Variants in AK7 observed in about 807,000 individuals in gnomAD.
AK7 encodes the protein ATP-AMP transphosphorylase 7.
In AK7, 78 loss-of-function variants were observed where a neutral mutation model predicts 96.6. That is an observed-to-expected ratio of 0.81 (90% CI 0.67 to 0.97). The LOEUF (loss-of-function observed/expected upper bound fraction) is 0.97. Ranked by LOEUF, AK7 falls within the 50% of genes least tolerant of loss-of-function variation. The pLI, the probability that AK7 is intolerant of heterozygous loss-of-function variation, is 0.00. For missense variants in AK7, 855 were observed against 887.9 expected (o/e 0.96, Z 0.47); for synonymous variants, 302 against 317.2 (o/e 0.95, Z 0.51).
chr14:96,415,732 A>C (rs1891293123), intron 4 of AK7, among the ~76,000 whole-genome samples: 1 of 150,026 alleles, frequency 6.7e-6, no homozygotes, highest in Non-Finnish European at 1.5e-5. Flanking sequence ...AATAAATTTT[A>C]ATACATTAAT....
In AK7 at chr14:96,392,266, G is replaced by C; in HGVS notation, c.105+7G>C. The C allele has an allele frequency of 6.2e-7, 1 of 1,601,546 alleles. No homozygotes were observed. ...CAGCGGAAACATCGGGAAGGTGAGC[G>C]GCGGCGGCGGCCCAGAGCCTCACGC... On this transcript the variant is annotated splice_region_variant and intron_variant, in intron 1 of 17. Transcript: ENST00000267584.
intron 5 of AK7, among the ~76,000 whole-genome samples, chr14:96,428,778 T>A (rs1892177119): frequency 6.6e-6 from 1 of 152,236 alleles, no homozygotes; most frequent in African/African-American, 2.4e-5. Flanking sequence ...AAAGTGTCTG[T>A]TCATATCCTT....
intron 12 of AK7, among the ~76,000 whole-genome samples, chr14:96,461,098 T>C (rs1409543476): frequency 6.6e-6 from 1 of 152,190 alleles, no homozygotes; most frequent in Admixed American, 6.5e-5. Context: ...CCCAGATGAA[T>C]GCTTGGGGAT....
At position 96,472,675 on chromosome 14, in the gene AK7, T is replaced by G; in HGVS notation, c.1487-12T>G. 6.2e-7 allele frequency: 1 copy of G among 1,607,050 alleles called. No homozygotes were observed. Among genetic ancestry groups the G allele is most frequent in the Non-Finnish European group, 8.5e-7 (1 of 1,173,822 alleles). On this transcript the variant is annotated splice_polypyrimidine_tract_variant and intron_variant, in intron 13 of 17. Coordinates refer to ENST00000267584, the MANE Select transcript of AK7 (RefSeq NM_152327.5). ...ATTAATAAACACAATGAGGAATATT[T>G]TGTTTTCTTAGAGGAAGATGAGGAG...
At chr14:96,395,485 A>G (rs1001037462) in intron 1 of AK7, among the ~76,000 whole-genome samples, 1 of 151,954 alleles carries the variant, frequency 6.6e-6, no homozygotes. Context: ...CAAAGTTCAA[A>G]CCGGTGTTGT....
chr14:96,444,935 C>T (rs1893152274), intron 7 of AK7, among the ~76,000 whole-genome samples: 1 of 152,194 alleles, frequency 6.6e-6, no homozygotes, highest in Non-Finnish European at 1.5e-5. Flanking sequence ...TCAGGCTGGT[C>T]TCGAACTCCT....
chr14:96,442,894 AT>A, intron 7 of AK7, 76 bp downstream of exon 7: 1 of 1,342,694 alleles, frequency 7.4e-7, no homozygotes, highest in Non-Finnish European at 1.1e-6. Flanking sequence ...CTTTTTGAGC[AT>A]TTGCCTAGTG....
In AK7 at chr14:96,420,944, A is replaced by G. The variant is rs1197525840; in HGVS notation, c.609+12A>G. The G allele has an allele frequency of 6.6e-7, 1 of 1,515,574 alleles. No individual in the cohort carries two copies. The highest frequency in any genetic ancestry group is 9.2e-7 in the Non-Finnish European group (1 of 1,091,700). The allele number at this position is 1,515,574 out of a possible 1,614,324, so 93.9% of individuals were successfully genotyped here. ...AATTTGGAAAAAAGGTAAGTCTGGCATAGTGGAACATGGACATCATCTGAA... is the reference window on the plus strand; with the variant it reads ...AATTTGGAAAAAAGGTAAGTCTGGCGTAGTGGAACATGGACATCATCTGAA... On this transcript the variant is annotated intron_variant, in intron 5 of 17. Coordinates refer to ENST00000267584, the MANE Select transcript of AK7 (RefSeq NM_152327.5).
intron 12 of AK7, among the ~76,000 whole-genome samples, chr14:96,468,848 A>G (rs1020707941): frequency 2.6e-5 from 4 of 151,898 alleles, no homozygotes; most frequent in Non-Finnish European, 4.4e-5. Flanking sequence ...TTTTTTTAGA[A>G]AAAGCAGGAT....
chr14:96,442,684 A>G (rs1893021084), intron 6 of AK7, 46 bp from the exon 7 acceptor site: 4 of 1,416,686 alleles, frequency 2.8e-6, no homozygotes, highest in Non-Finnish European at 4.0e-6. Context: ...TGTAATAGCC[A>G]TCCACATATA....
chr14:96,423,014 C>A (rs551274329), intron 5 of AK7, among the ~76,000 whole-genome samples: 1 of 152,148 alleles, frequency 6.6e-6, no homozygotes, highest in Non-Finnish European at 1.5e-5. Flanking sequence ...GCTTTTCTTA[C>A]CCCCATGAAG....
intron 5 of AK7, among the ~76,000 whole-genome samples, chr14:96,435,092 C>T (rs1892567998): frequency 6.6e-6 from 1 of 152,098 alleles, no homozygotes; most frequent in Non-Finnish European, 1.5e-5. Context: ...TGGTGCTCTA[C>T]CTAACTTTGG....
intron 2 of AK7, among the ~76,000 whole-genome samples, chr14:96,402,795 C>T (rs1489580567): frequency 6.6e-6 from 1 of 151,156 alleles, no homozygotes. Context: ...TGAATATGGC[C>T]ATATTTGGAG....
intron 7 of AK7, among the ~76,000 whole-genome samples, chr14:96,443,780 A>ATTTTTTT (rs60861399): frequency 0.5 from 68,421 of 137,384 alleles, 19,059 homozygotes; most frequent in East Asian, 0.76. Flanking sequence ...AAAACTCATA[A>ATTTTTTT]TTTTTTTTTT....
At chr14:96,485,944 C>T (rs1895745762) in intron 16 of AK7, among the ~76,000 whole-genome samples, 1 of 152,044 alleles carries the variant, frequency 6.6e-6, no homozygotes, top group South Asian at 2.1e-4. Context: ...TACAGGTGCC[C>T]GCCACCGCGC....
chr14:96,446,972 A>T (rs752919087), intron 8 of AK7, among the ~76,000 whole-genome samples: 3 of 152,164 alleles, frequency 2.0e-5, no homozygotes, highest in African/African-American at 4.8e-5. Context: ...TAAAATAAAA[A>T]TAAATTAAAA....
intron 12 of AK7, among the ~76,000 whole-genome samples, chr14:96,458,677 G>A (rs1330216606): frequency 6.6e-6 from 1 of 151,390 alleles, no homozygotes; most frequent in Admixed American, 6.6e-5. Context: ...GGGAGGCGGA[G>A]GTTGCAGTGA....
intron 4 of AK7, among the ~76,000 whole-genome samples, chr14:96,416,559 G>T (rs1891361339): frequency 6.6e-6 from 1 of 152,110 alleles, no homozygotes. Context: ...AGTAAGGCAG[G>T]CTGAGTTTCC....
At chr14:96,451,649 A>C in intron 10 of AK7, 79 bp downstream of exon 10, 1 of 1,299,938 alleles carries the variant, frequency 7.7e-7, no homozygotes, top group Non-Finnish European at 9.9e-7. Flanking sequence ...TGCCAACGGA[A>C]GTATTTGCTT....
Sources: allele counts gnomAD v4.1 joint callset (sites outside exome capture counted in the v4.1 genomes callset), GRCh38; gene constraint gnomAD v4.1.1; transcripts MANE v1.5; gene names NCBI Gene and HGNC (gene_info 2026-07-23, HGNC 2026-07-21).